Variants in TMPRSS6 observed in about 807,000 individuals in gnomAD.
The protein encoded by TMPRSS6 is transmembrane serine protease 6.
In TMPRSS6, 67 loss-of-function variants were observed where a neutral mutation model predicts 101.5. The ratio of observed to expected loss-of-function variants is 0.66; its 90% CI spans 0.54 to 0.81. The LOEUF is 0.81. Among genes scored for constraint, TMPRSS6 ranks in the 30% least tolerant of loss-of-function variants. TMPRSS6 has a pLI of 0.00. For synonymous variants in TMPRSS6, 453 were observed against 464.9 expected, an observed-to-expected ratio of 0.97 and a Z score of 0.33; for missense variants, 1,034 against 1,088.7, an observed-to-expected ratio of 0.95 and a Z score of 0.71.
Position 37,065,928 on chromosome 22 carries a change from G to T in TMPRSS6, c.*152C>A. ...CCATCCTCCTGCCATCACTGGAGCA[G>T]ACATCAGGGACGAGACAAGATGCCA... On this transcript the variant is annotated 3_prime_UTR_variant, in exon 18 of 18. Transcript: ENST00000676104. The T allele has an allele frequency of 1.0e-6, 1 of 972,580 alleles. No individual in the cohort carries two copies. Among genetic ancestry groups the T allele is most frequent in the Non-Finnish European group, 1.5e-6 (1 of 647,084 alleles). 60.2% of individuals were successfully genotyped at this position (972,580 alleles called of 1,614,324 possible).
intron 16 of TMPRSS6, 101 bp downstream of exon 16, chr22:37,068,972 G>A (rs918355094): frequency 6.7e-7 from 1 of 1,489,330 alleles, no homozygotes; most frequent in Non-Finnish European, 8.9e-7. Context: ...CTATGGGGTG[G>A]AGCCCCGGGA....
rs1928579702 is a variant in TMPRSS6, at chr22:37,084,825, G to A, written c.988C>T (p.Leu330=). 6.4e-7 allele frequency: 1 copy of A among 1,554,892 alleles called. No individual in the cohort carries two copies. The highest frequency in any genetic ancestry group is 8.7e-7 in the Non-Finnish European group (1 of 1,148,732). ...PVVFQACEVN[L]TLDNRLDSQG... is the part of the protein sequence containing the mutation. ...GAGTCGAGCCTGTTGTCCAGCGTCAGGTTCACTTCACAGGCTGGACCAGGA... is the reference window on the plus strand; with the variant it reads ...GAGTCGAGCCTGTTGTCCAGCGTCAAGTTCACTTCACAGGCTGGACCAGGA... The change falls in exon 9 of 18, where the codon CTG becomes TTG. Residue 330 remains leucine, a synonymous_variant. Coordinates refer to ENST00000676104, the MANE Select transcript of TMPRSS6 (RefSeq NM_001374504.1).
chr22:37,068,285 A>T lies in TMPRSS6; in HGVS notation c.2113+788T>A, dbSNP rs1336237713. 2.0e-5 allele frequency among the ~76,000 whole-genome samples: 3 copies of T among 152,334 alleles called. No individual in the cohort carries two copies. The East Asian group carries it at 5.8e-4, about 29-fold the overall frequency. On this transcript the variant is annotated intron_variant, in intron 16 of 17. Coordinates refer to ENST00000676104, the MANE Select transcript of TMPRSS6 (RefSeq NM_001374504.1). Reference sequence around the variant, plus strand: ...AACCAGCCTTTGCTTTGCCATGACCACTGCCATCCCCTTGGGTAAGTCACT... The same window carrying T: ...AACCAGCCTTTGCTTTGCCATGACCTCTGCCATCCCCTTGGGTAAGTCACT...
At chr22:37,100,671 A>G (rs1221626839) in intron 2 of TMPRSS6, among the ~76,000 whole-genome samples, 2 of 152,202 alleles carry the variant, frequency 1.3e-5, no homozygotes, top group Non-Finnish European at 2.9e-5. Flanking sequence ...TGCTCCTTAG[A>G]CATTAAGAGG....
rs1321472947 is a variant in TMPRSS6 at position 37,099,818 on chromosome 22, A to C, written c.203-1269T>G. Among the ~76,000 whole-genome samples, 13 of 152,202 alleles carry C rather than the reference A, an allele frequency of 8.5e-5. 1 individual carries two copies. The highest frequency in any genetic ancestry group is 8.5e-4 in the Admixed American group (13 of 15,284). On this transcript the variant is annotated intron_variant, in intron 2 of 17. Transcript: ENST00000676104. ...CAAAGGCCTGGTGTGTTTCAGGAGCAGCAAAGAGTGAGCAACAGGACAGCA... is the reference window on the plus strand; with the variant it reads ...CAAAGGCCTGGTGTGTTTCAGGAGCCGCAAAGAGTGAGCAACAGGACAGCA...
intron 13 of TMPRSS6, among the ~76,000 whole-genome samples, chr22:37,072,789 GGATGGATGA>G: frequency 6.9e-6 from 1 of 144,754 alleles, no homozygotes. Flanking sequence ...GATGATGGAC[GGATGGATGA>G]TGGATGGATG....
chr22:37,095,208 A>G (rs1428870845), intron 6 of TMPRSS6, among the ~76,000 whole-genome samples: 1 of 152,236 alleles, frequency 6.6e-6, no homozygotes, highest in Non-Finnish European at 1.5e-5. Flanking sequence ...TTCTACCATC[A>G]GTGGAAACTA....
rs1489255612 is a variant in TMPRSS6, at chr22:37,109,538, C to T, written c.-37G>A. ...GGCAGATAGGTGCCGGGCCTGCACA[C>T]AGGCCTCAGGAGCCTCTGTTTGTCC... is the stretch of plus-strand genomic sequence containing the variant. On this transcript the variant is annotated 5_prime_UTR_variant, in exon 1 of 18. The change creates a new upstream start codon in the 5' untranslated region. Coordinates refer to ENST00000676104, the MANE Select transcript of TMPRSS6 (RefSeq NM_001374504.1). The T allele has an allele frequency of 6.6e-6, 1 of 152,550 alleles. No individual in the cohort carries two copies. Among genetic ancestry groups the T allele is most frequent in the Non-Finnish European group, 1.5e-5 (1 of 68,186 alleles). 9.4% of individuals were successfully genotyped at this position (152,550 alleles called of 1,614,324 possible). A position where few individuals can be genotyped will look rare whatever the true frequency, so the allele number is the denominator to read the frequency against.
At chr22:37,097,701 T>A (rs228895) in intron 3 of TMPRSS6, among the ~76,000 whole-genome samples, 1 of 79,394 alleles carries the variant, frequency 1.3e-5, no homozygotes, top group South Asian at 4.4e-4. Context: ...GGCCACCGTC[T>A]TGTAACAGAG....
At chr22:37,085,645 G>C (rs535776894) in intron 8 of TMPRSS6, among the ~76,000 whole-genome samples, 15 of 152,078 alleles carry the variant, frequency 9.9e-5, no homozygotes, top group African/African-American at 3.6e-4. Context: ...TGTCCCATGC[G>C]GGGTGGGACG....
At chr22:37,079,015 AAGAGAAAGAG>A (rs1928041183) in intron 10 of TMPRSS6, among the ~76,000 whole-genome samples, 12 of 130,932 alleles carry the variant, frequency 9.2e-5, no homozygotes, top group East Asian at 2.5e-4. Flanking sequence ...GAAAGAAAGA[AAGAGAAAGAG>A]AGAAAGAAAG....
Position 37,069,288 on chromosome 22 carries a change from C to T in TMPRSS6, c.1898G>A (p.Arg633His), listed in dbSNP as rs1289895962. The T allele has an allele frequency of 6.4e-7, 1 of 1,559,368 alleles. No homozygotes were observed. The highest frequency in any genetic ancestry group is 8.7e-7 in the Non-Finnish European group (1 of 1,145,406). ...VFLGKVWQNSRWPGEVSFKVS... is the reference protein window; with the variant it reads ...VFLGKVWQNSHWPGEVSFKVS... ...CTTGAAGGACACCTCTCCAGGCCAG[C>T]GCGAGTTCTGCCACACCTTGCCCAG... The change falls in exon 16 of 18, where the codon CGC becomes CAC. Residue 633 changes from arginine to histidine, a missense_variant. Physicochemically the swap from Arg to His is conservative, Grantham distance 29. Coordinates refer to ENST00000676104, the MANE Select transcript of TMPRSS6 (RefSeq NM_001374504.1). This position sits in a 1 kb window ranked among gnomAD's most constrained non-coding sequence, Gnocchi z 4.8.
Position 37,103,198 on chromosome 22 carries a change from G to C in TMPRSS6, c.202+18C>G, listed in dbSNP as rs374028767. On this transcript the variant is annotated intron_variant, in intron 2 of 17. Coordinates refer to ENST00000676104, the MANE Select transcript of TMPRSS6 (RefSeq NM_001374504.1). This position sits in a 1 kb window ranked among gnomAD's most constrained non-coding sequence, Gnocchi z 4.4. ...AGTCCTCCCCAGGTGCCTCTCCCAG[G>C]CGGTCCCACAACGTTACCTAGGAAA... 5 of 1,613,416 alleles carry C rather than the reference G, an allele frequency of 3.1e-6. No individual in the cohort carries two copies. The highest frequency in any genetic ancestry group is 4.2e-6 in the Non-Finnish European group (5 of 1,179,776).
chr22:37,094,295 T>A (rs1929537320), intron 6 of TMPRSS6, among the ~76,000 whole-genome samples: 1 of 151,948 alleles, frequency 6.6e-6, no homozygotes, highest in African/African-American at 2.4e-5. Flanking sequence ...AAGGTTTGAG[T>A]TTTCTTGCCT....
chr22:37,089,587 A>C lies in TMPRSS6; in HGVS notation c.827T>G (p.Leu276Arg), dbSNP rs372887020. Residue 276 changes from leucine to arginine, a missense_variant, in exon 7 of 18, where the codon CTC becomes CGC. By Grantham distance (102) the Leu-to-Arg change is moderately radical (BLOSUM62 -2). Coordinates refer to ENST00000676104, the MANE Select transcript of TMPRSS6 (RefSeq NM_001374504.1). ...YDVAGPLEKR[L>R]ITSVYGCSRQ... The stretch of plus-strand genomic sequence containing the variant: ...CTTCCCAGGGACTCACGAGGTGATG[A>C]GCCTCTTCTCCAGGGGCCCGGCCAC... The C allele has an allele frequency of 1.0e-5, 14 of 1,354,978 alleles. No homozygotes were observed. The highest frequency in any genetic ancestry group is 1.3e-5 in the Non-Finnish European group (13 of 994,824). The allele number at this position is 1,354,978 out of a possible 1,614,324, so 83.9% of individuals were successfully genotyped here. A position where few individuals can be genotyped will look rare whatever the true frequency, so the allele number is the denominator to read the frequency against.
At position 37,103,076 on chromosome 22, in the gene TMPRSS6, A is replaced by C; in HGVS notation, c.202+140T>G. ...GAAGGACAGGGAGGGAGACCCAGAG[A>C]ACAGAAGTGACTTGCCCAAGGTCAC... On this transcript the variant is annotated intron_variant, in intron 2 of 17. Transcript: ENST00000676104. The surrounding 1 kb of genome is among the most constrained non-coding windows in gnomAD (Gnocchi z 4.4). The C allele has an allele frequency of 1.2e-6, 1 of 867,422 alleles. No individual in the cohort carries two copies. The highest frequency in any genetic ancestry group is 1.4e-5 in the South Asian group (1 of 69,676). 53.7% of individuals were successfully genotyped at this position (867,422 alleles called of 1,614,324 possible). A position where few individuals can be genotyped will look rare whatever the true frequency, so the allele number is the denominator to read the frequency against.
At chr22:37,076,989 T>C (rs1927731534) in intron 10 of TMPRSS6, among the ~76,000 whole-genome samples, 1 of 152,240 alleles carries the variant, frequency 6.6e-6, no homozygotes. Flanking sequence ...CCAGAACTTC[T>C]AGAATGTGGT....
chr22:37,089,952 C>T (rs1348239240), intron 6 of TMPRSS6, among the ~76,000 whole-genome samples, 170 bp from the exon 7 acceptor site: 1 of 152,242 alleles, frequency 6.6e-6, no homozygotes, highest in Non-Finnish European at 1.5e-5. Context: ...CTGTCAGTAT[C>T]CTCATTCATG....
rs748725915 is a variant in TMPRSS6, at chr22:37,070,626, G to A, written c.1699C>T (p.Arg567Cys). 38 of 1,612,994 alleles carry A rather than the reference G, an allele frequency of 2.4e-5. No individual in the cohort carries two copies. The highest frequency in any genetic ancestry group is 3.3e-5 in the South Asian group (3 of 91,082). ...CDCGLQGPSS[R>C]IVGGAVSSEG... ...GAGGACACAGCTCCACCAACAATGC[G>A]GCTGGAGGGGCCCTGGAGGCCACAG... is the stretch of plus-strand genomic sequence containing the variant. Residue 567 changes from arginine (R) to cysteine (C), a missense_variant, in exon 15 of 18, where the codon CGC (arginine) becomes TGC (cysteine). Arg to Cys is a radical substitution (Grantham distance 180, BLOSUM62 -3). Transcript: ENST00000676104.
Sources: allele counts gnomAD v4.1 joint callset (sites outside exome capture counted in the v4.1 genomes callset), GRCh38; gene constraint gnomAD v4.1.1; non-coding constraint Gnocchi (gnomAD v3.1); transcripts MANE v1.5; gene names NCBI Gene and HGNC (gene_info 2026-07-23, HGNC 2026-07-21).